Variants in WDR70 observed in about 807,000 individuals in gnomAD.
WDR70 encodes WD repeat-containing protein 70.
In WDR70, 53 loss-of-function variants were observed where a neutral mutation model predicts 88.6. That is an observed-to-expected ratio of 0.60 (90% CI 0.48 to 0.75). The LOEUF (loss-of-function observed/expected upper bound fraction) is 0.75, where lower values mean the gene tolerates loss of function less well. Among genes scored for constraint, WDR70 ranks in the 30% least tolerant of loss-of-function variants. The probability of loss-of-function intolerance (pLI) is 0.00; values close to 1 mark genes in which losing one functional copy is unlikely to be tolerated. For synonymous variants in WDR70, 280 were observed against 270.0 expected (o/e 1.04, Z -0.36); for missense variants, 610 against 823.2 (o/e 0.74, Z 3.17).
At chr5:37,676,373 G>C (rs1581486051) in intron 10 of WDR70, among the ~76,000 whole-genome samples, 1 of 152,072 alleles carries the variant, frequency 6.6e-6, no homozygotes, top group Admixed American at 6.5e-5. Context: ...CTGTGGGTTT[G>C]TCATAGATAG....
At chr5:37,424,252 C>A (rs1176482106) in intron 5 of WDR70, among the ~76,000 whole-genome samples, 4 of 145,936 alleles carry the variant, frequency 2.7e-5, no homozygotes, top group African/African-American at 1.0e-4. Flanking sequence ...TTACAGATGT[C>A]TCTGTGTGGT....
intron 10 of WDR70, among the ~76,000 whole-genome samples, chr5:37,660,385 T>C (rs749326955): frequency 6.6e-6 from 1 of 152,072 alleles, no homozygotes; most frequent in Admixed American, 6.5e-5. Flanking sequence ...ACTTATTTTA[T>C]CAATTACTGA....
intron 10 of WDR70, among the ~76,000 whole-genome samples, chr5:37,643,430 T>C (rs534050194): frequency 6.6e-6 from 1 of 152,036 alleles, no homozygotes; most frequent in Non-Finnish European, 1.5e-5. Context: ...TTTCTCCAGT[T>C]TTCTTCTTTT....
At chr5:37,711,109 C>G (rs1466790461) in intron 13 of WDR70, among the ~76,000 whole-genome samples, 2 of 152,020 alleles carry the variant, frequency 1.3e-5, no homozygotes, top group African/African-American at 2.4e-5. Context: ...TAGGAGGAAG[C>G]TTCTAAGTTA....
At chr5:37,670,751 A>G (rs950312929) in intron 10 of WDR70, among the ~76,000 whole-genome samples, 10 of 152,222 alleles carry the variant, frequency 6.6e-5, no homozygotes, top group African/African-American at 1.2e-4. Context: ...CATATAGTAT[A>G]TTAATTTGAA....
intron 10 of WDR70, among the ~76,000 whole-genome samples, chr5:37,622,600 A>T (rs967719117): frequency 1.8e-4 from 28 of 152,338 alleles, no homozygotes; most frequent in African/African-American, 6.7e-4. Context: ...AGGGACATGG[A>T]TGAAGCTGGA....
At chr5:37,473,607 G>T (rs375936297) in intron 7 of WDR70, among the ~76,000 whole-genome samples, 1 of 152,158 alleles carries the variant, frequency 6.6e-6, no homozygotes, top group African/African-American at 2.4e-5. Flanking sequence ...GCCTCCCAAC[G>T]TGCTGGGATT....
Position 37,563,632 on chromosome 5 carries a change from G to T in WDR70, c.918-41432G>T, listed in dbSNP as rs1266761418. ...TGACCCCCCCCACCTCCCCCCGGAT[G>T]GGGCGGCTGGCCGGGCGGGGGGCTG... is the stretch of plus-strand genomic sequence containing the variant. On this transcript the variant is annotated intron_variant, in intron 9 of 17. Coordinates refer to ENST00000265107, the MANE Select transcript of WDR70 (RefSeq NM_018034.4). 4.7e-3 allele frequency among the ~76,000 whole-genome samples: 343 copies of T among 72,694 alleles called. 30 individuals are homozygous for T. The highest frequency in any genetic ancestry group is 0.014 in the African/African-American group (330 of 24,308). The allele number at this position is 72,694 out of a possible 152,430, so 47.7% of individuals were successfully genotyped here. A position where few individuals can be genotyped will look rare whatever the true frequency, so the allele number is the denominator to read the frequency against.
chr5:37,432,565 T>A (rs963005402), intron 5 of WDR70, among the ~76,000 whole-genome samples: 1 of 103,488 alleles, frequency 9.7e-6, no homozygotes, highest in Non-Finnish European at 1.7e-5. Flanking sequence ...ATTTTTGTAT[T>A]TTTTTTTTTT....
intron 10 of WDR70, among the ~76,000 whole-genome samples, chr5:37,673,597 CT>C (rs1031858903): frequency 1.7e-5 from 2 of 119,646 alleles, no homozygotes; most frequent in Admixed American, 9.4e-5. Flanking sequence ...CCCCCCCACC[CT>C]TTTTTTTTCT....
intron 7 of WDR70, among the ~76,000 whole-genome samples, chr5:37,457,037 T>C (rs934448629): frequency 9.9e-5 from 15 of 152,176 alleles, no homozygotes; most frequent in African/African-American, 3.4e-4. Context: ...TACTATCCAA[T>C]GTGAGAAGGC....
intron 3 of WDR70, 132 bp downstream of exon 3, chr5:37,381,817 G>A: frequency 2.6e-6 from 2 of 759,594 alleles, no homozygotes; most frequent in South Asian, 1.6e-5. Flanking sequence ...ACTTAGGGAG[G>A]CCAAGGCGGG....
At chr5:37,395,969 T>A (rs1748998010) in intron 4 of WDR70, among the ~76,000 whole-genome samples, 1 of 152,064 alleles carries the variant, frequency 6.6e-6, no homozygotes, top group Admixed American at 6.6e-5. Flanking sequence ...CCTGGCTAAT[T>A]TTTATTTTTT....
At chr5:37,524,004 T>C (rs1010094266) in intron 9 of WDR70, among the ~76,000 whole-genome samples, 1 of 152,228 alleles carries the variant, frequency 6.6e-6, no homozygotes, top group Non-Finnish European at 1.5e-5. Flanking sequence ...CTACGTCTGA[T>C]TGGTGTACCT....
At chr5:37,689,047 T>C (rs965846136) in intron 10 of WDR70, among the ~76,000 whole-genome samples, 1 of 152,194 alleles carries the variant, frequency 6.6e-6, no homozygotes, top group Admixed American at 6.5e-5. Flanking sequence ...TGTGCCTGGC[T>C]CGGCGGGTCC....
chr5:37,571,688 T>C (rs1225527693), intron 9 of WDR70, among the ~76,000 whole-genome samples: 1 of 152,172 alleles, frequency 6.6e-6, no homozygotes, highest in Non-Finnish European at 1.5e-5. Flanking sequence ...GACAGATAGA[T>C]GCCTTATATT....
At chr5:37,453,022 C>T (rs980573987) in intron 7 of WDR70, among the ~76,000 whole-genome samples, 1 of 152,332 alleles carries the variant, frequency 6.6e-6, no homozygotes, top group Non-Finnish European at 1.5e-5. Context: ...TCACCTAGCA[C>T]ACTTTAAAAA....
intron 9 of WDR70, 57 bp downstream of exon 9, chr5:37,516,647 C>A (rs566854108): frequency 2.5e-6 from 3 of 1,220,560 alleles, no homozygotes; most frequent in Non-Finnish European, 3.5e-6. Flanking sequence ...TTTTATTTAA[C>A]GTTTGGATTG....
chr5:37,729,978 C>T (rs946041494), intron 17 of WDR70, among the ~76,000 whole-genome samples: 1 of 152,038 alleles, frequency 6.6e-6, no homozygotes, highest in African/African-American at 2.4e-5. Context: ...TGAGCAGATA[C>T]GTAAGTATCT....
Sources: gnomAD v4.1 joint callset for allele counts (sites outside exome capture counted in the v4.1 genomes callset) on GRCh38, gnomAD v4.1.1 for gene constraint, MANE v1.5 for transcripts, NCBI Gene and HGNC (gene_info 2026-07-23, HGNC 2026-07-21) for gene names.